The following DLGAP4 variants were observed in gnomAD, a reference collection of about 807,000 sequenced individuals.
The protein encoded by DLGAP4 is DLG associated protein 4, also known as disks large-associated protein 4.
A neutral mutation model predicts 86.9 loss-of-function variants in DLGAP4; 18 were observed. That is an observed-to-expected ratio of 0.21 (90% CI 0.14 to 0.31). The LOEUF (loss-of-function observed/expected upper bound fraction) is 0.31. Among genes scored for constraint, DLGAP4 ranks in the 10% least tolerant of loss-of-function variants. The pLI, the probability that DLGAP4 is intolerant of heterozygous loss-of-function variation, is 1.00. For synonymous variants in DLGAP4, 548 were observed against 574.3 expected, an observed-to-expected ratio of 0.95 and a Z score of 0.65; for missense variants, 1,085 against 1,362.6, an observed-to-expected ratio of 0.80 and a Z score of 3.21.
chr20:36,349,322 C>G (rs1316453689), intron 1 of DLGAP4, among the ~76,000 whole-genome samples: 9 of 150,066 alleles, frequency 6.0e-5, no homozygotes, highest in Admixed American at 2.0e-4. Flanking sequence ...GGAGGCTGAG[C>G]CAGGAGAATG....
intron 1 of DLGAP4, among the ~76,000 whole-genome samples, chr20:36,332,489 A>G (rs1482007323): frequency 6.6e-6 from 1 of 152,034 alleles, no homozygotes; most frequent in African/African-American, 2.4e-5. Flanking sequence ...TCTGGGGTTC[A>G]AGCAGGTCTT....
intron 1 of DLGAP4, among the ~76,000 whole-genome samples, chr20:36,340,377 C>A (rs2065366452): frequency 6.6e-6 from 1 of 152,122 alleles, no homozygotes. Flanking sequence ...TGCTGTGGTT[C>A]CCCGCACGTG....
rs115375369 is a variant in DLGAP4, at chr20:36,500,403, C to T, written c.2304C>T (p.Ser768=). ...GCAACCTCTCCTATGGAGACAACAG[C>T]GACCCTGCCCTAGAGGCGTCCTCGC... ...IKRNLSYGDN[S]DPALEASSLP... The change falls in exon 10 of 13, where the codon AGC becomes AGT. Residue 768 remains serine (S), a synonymous_variant. Transcript: ENST00000339266. The surrounding 1 kb of genome is among the most constrained non-coding windows in gnomAD (Gnocchi z 4.6). 1.6e-4 allele frequency: 249 copies of T among 1,593,284 alleles called. 2 individuals are homozygous for T. The African/African-American group carries it at 2.9e-3, about 18-fold the overall frequency.
intron 1 of DLGAP4, among the ~76,000 whole-genome samples, chr20:36,343,342 A>G (rs936539677): frequency 3.3e-5 from 5 of 152,134 alleles, no homozygotes; most frequent in Admixed American, 6.5e-5. Flanking sequence ...TAAGCCACTC[A>G]TCTCCTCTGG....
chr20:36,361,027 AC>A (rs1194863098), intron 1 of DLGAP4, among the ~76,000 whole-genome samples: 8 of 151,860 alleles, frequency 5.3e-5, no homozygotes, highest in Admixed American at 5.2e-4. Flanking sequence ...CAATGGCGTC[AC>A]CACCTGGGAG....
chr20:36,390,407 T>A (rs1210494560), intron 2 of DLGAP4, among the ~76,000 whole-genome samples: 3 of 152,156 alleles, frequency 2.0e-5, no homozygotes, highest in Non-Finnish European at 4.4e-5. Flanking sequence ...CTTCTGCCTC[T>A]CTGACCAAAG....
chr20:36,485,314 A>G (rs1489517204), intron 7 of DLGAP4, among the ~76,000 whole-genome samples: 1 of 150,626 alleles, frequency 6.6e-6, no homozygotes, highest in Non-Finnish European at 1.5e-5. Context: ...CCAGAGGTCA[A>G]GGCTGCAGTG....
chr20:36,474,435 C>G (rs56937972), intron 7 of DLGAP4, among the ~76,000 whole-genome samples: 6,074 of 152,288 alleles, frequency 0.04, 445 homozygotes, highest in African/African-American at 0.14. Context: ...CTAGAGTTCT[C>G]TCTGCAGGGT....
chr20:36,405,758 G>A (rs1267740740), intron 2 of DLGAP4, among the ~76,000 whole-genome samples: 1 of 152,098 alleles, frequency 6.6e-6, no homozygotes, highest in African/African-American at 2.4e-5. Flanking sequence ...AAGTTGGAGA[G>A]AGGGTGGAGT....
chr20:36,418,481 A>T (rs2032728429), intron 2 of DLGAP4, among the ~76,000 whole-genome samples: 1 of 152,144 alleles, frequency 6.6e-6, no homozygotes. Flanking sequence ...AGTCTAGAAG[A>T]CTTCAGTTCT....
intron 2 of DLGAP4, among the ~76,000 whole-genome samples, chr20:36,424,382 G>A (rs1177034657): frequency 6.6e-6 from 1 of 152,188 alleles, no homozygotes; most frequent in Admixed American, 6.5e-5. Flanking sequence ...ACTATGGGTG[G>A]AGCAGGTCAG....
intron 7 of DLGAP4, among the ~76,000 whole-genome samples, chr20:36,450,746 A>G (rs1393232424): frequency 1.3e-5 from 2 of 152,162 alleles, no homozygotes; most frequent in African/African-American, 4.8e-5. Flanking sequence ...CCCCAACCAC[A>G]CAGCATACAC....
chr20:36,471,912 A>C (rs1353716599), intron 7 of DLGAP4, among the ~76,000 whole-genome samples: 1 of 152,210 alleles, frequency 6.6e-6, no homozygotes, highest in Non-Finnish European at 1.5e-5. Flanking sequence ...GAGAAAAAAA[A>C]AGATCATACT....
At position 36,432,760 on chromosome 20, in the gene DLGAP4, A is replaced by T. The variant is rs749504613; in HGVS notation, c.999+44A>T. 9 of 1,601,488 alleles carry T rather than the reference A, an allele frequency of 5.6e-6. No homozygotes were observed. The highest frequency in any genetic ancestry group is 7.7e-6 in the Non-Finnish European group (9 of 1,173,812). ...CAGGGGTGGGATGAGGGCTCTGGGG[A>T]CGGCACCAGTTTTGAGGCCTAGACG... On this transcript the variant is annotated intron_variant, in intron 3 of 12. Transcript: ENST00000339266. This position sits in a 1 kb window ranked among gnomAD's most constrained non-coding sequence, Gnocchi z 6.5.
At chr20:36,340,119 G>T (rs907837541) in intron 1 of DLGAP4, among the ~76,000 whole-genome samples, 1 of 152,146 alleles carries the variant, frequency 6.6e-6, no homozygotes, top group South Asian at 2.1e-4. Context: ...CTCTGTGGTA[G>T]AAGGAGGCCT....
chr20:36,468,212 A>G (rs2034503892), intron 7 of DLGAP4, among the ~76,000 whole-genome samples: 1 of 152,192 alleles, frequency 6.6e-6, no homozygotes, highest in South Asian at 2.1e-4. Flanking sequence ...TGCTGTGTAT[A>G]TGTCCAGTCT....
intron 10 of DLGAP4, among the ~76,000 whole-genome samples, chr20:36,503,822 T>G (rs1222888667): frequency 6.6e-6 from 1 of 152,230 alleles, no homozygotes; most frequent in East Asian, 1.9e-4. Flanking sequence ...TGTCTGGCTT[T>G]CACTTGGCAT....
rs746884451 is a variant in DLGAP4, at chr20:36,431,732, T to A, written c.15T>A (p.Gly5=). The change falls in exon 3 of 13, where the codon GGT becomes GGA. Residue 5 remains glycine (G), a synonymous_variant. Coordinates refer to ENST00000339266, the MANE Select transcript of DLGAP4 (RefSeq NM_001365621.2). This position sits in a 1 kb window ranked among gnomAD's most constrained non-coding sequence, Gnocchi z 5.1. The part of the protein sequence containing the change: MKGL[G]DSRPRHLSDS... ...GGCCCGGGATCATGAAAGGCCTCGG[T>A]GACAGCCGCCCCCGCCACCTCTCCG... 1.3e-6 allele frequency: 2 copies of A among 1,597,078 alleles called. No individual in the cohort carries two copies. The highest frequency in any genetic ancestry group is 1.7e-6 in the Non-Finnish European group (2 of 1,169,580).
rs573149106 is a variant in DLGAP4, at chr20:36,456,904, A to G, written c.1648+9967A>G. 4.2e-4 allele frequency among the ~76,000 whole-genome samples: 64 copies of G among 152,370 alleles called. 1 individual carries two copies. The highest frequency in any genetic ancestry group is 7.8e-4 in the Non-Finnish European group (53 of 68,034). On this transcript the variant is annotated intron_variant, in intron 7 of 12. Transcript: ENST00000339266. ...GTTTAAATAGAACCTTGGAGGCCCTACGGCATGGTGGTTAAGCACCTGAGC... is the reference window on the plus strand; with the variant it reads ...GTTTAAATAGAACCTTGGAGGCCCTGCGGCATGGTGGTTAAGCACCTGAGC...
Sources: allele counts gnomAD v4.1 joint callset (sites outside exome capture counted in the v4.1 genomes callset), GRCh38; gene constraint gnomAD v4.1.1; non-coding constraint Gnocchi (gnomAD v3.1); transcripts MANE v1.5; gene names NCBI Gene and HGNC (gene_info 2026-07-23, HGNC 2026-07-21).